KAT2B: variants seen among roughly 807,000 people sequenced by gnomAD.
KAT2B encodes the protein histone acetyltransferase KAT2B.
A neutral mutation model predicts 105.9 loss-of-function variants in KAT2B; 36 were observed. That is an observed-to-expected ratio of 0.34 (90% CI 0.26 to 0.45). The LOEUF (loss-of-function observed/expected upper bound fraction) is 0.45, where lower values mean the gene tolerates loss of function less well. Ranked by LOEUF, KAT2B falls within the 20% of genes least tolerant of loss-of-function variation. KAT2B has a pLI of 1.00. For missense variants in KAT2B, 820 were observed against 1,021.6 expected (o/e 0.80, Z 2.69); for synonymous variants, 397 against 377.9 (o/e 1.05, Z -0.59).
chr3:20,100,431 A>G (rs1698890800), intron 4 of KAT2B, among the ~76,000 whole-genome samples: 1 of 152,220 alleles, frequency 6.6e-6, no homozygotes, highest in South Asian at 2.1e-4. Context: ...TGATTCCTGG[A>G]AAGAAGCCGT....
At chr3:20,144,629 T>C (rs1411321055) in intron 13 of KAT2B, among the ~76,000 whole-genome samples, 2 of 150,894 alleles carry the variant, frequency 1.3e-5, no homozygotes, top group Middle Eastern at 3.4e-3. Context: ...TTTGGACTTA[T>C]AATAAATAAA....
chr3:20,043,211 T>C (rs1213683087), intron 1 of KAT2B, among the ~76,000 whole-genome samples: 1 of 152,122 alleles, frequency 6.6e-6, no homozygotes, highest in African/African-American at 2.4e-5. Context: ...GCTGAAAGTG[T>C]TCATTTTTAT....
intron 2 of KAT2B, among the ~76,000 whole-genome samples, chr3:20,075,749 C>T (rs939059926): frequency 2.6e-5 from 4 of 151,982 alleles, no homozygotes; most frequent in African/African-American, 9.7e-5. Context: ...CACGACCCCC[C>T]AGGCACCTCC....
intron 12 of KAT2B, among the ~76,000 whole-genome samples, chr3:20,139,681 G>A (rs976754135): frequency 6.6e-6 from 1 of 152,028 alleles, no homozygotes; most frequent in Non-Finnish European, 1.5e-5. Flanking sequence ...GTGTGTAAAT[G>A]AGTATATTCC....
chr3:20,082,628 CTCTT>C (rs896250839), intron 2 of KAT2B, among the ~76,000 whole-genome samples: 2 of 152,118 alleles, frequency 1.3e-5, no homozygotes, highest in African/African-American at 4.8e-5. Flanking sequence ...TAAAAACAAA[CTCTT>C]TAAAGAGCTA....
chr3:20,067,071 C>A (rs1698235292), intron 1 of KAT2B, among the ~76,000 whole-genome samples: 1 of 152,122 alleles, frequency 6.6e-6, no homozygotes, highest in African/African-American at 2.4e-5. Context: ...TGTTGTCTCC[C>A]TCTCTTCATT....
At chr3:20,049,355 CAA>C (rs1188209591) in intron 1 of KAT2B, among the ~76,000 whole-genome samples, 2 of 152,050 alleles carry the variant, frequency 1.3e-5, no homozygotes, top group African/African-American at 4.8e-5. Context: ...GTGTGTTTGC[CAA>C]AGTGTTATGT....
intron 11 of KAT2B, among the ~76,000 whole-genome samples, chr3:20,128,041 G>A (rs1383729300): frequency 6.6e-6 from 1 of 152,198 alleles, no homozygotes; most frequent in Admixed American, 6.5e-5. Context: ...CTCACTGTGA[G>A]TGTATGTGTA....
chr3:20,078,305 T>G (rs1488423029), intron 2 of KAT2B, among the ~76,000 whole-genome samples: 1 of 152,236 alleles, frequency 6.6e-6, no homozygotes, highest in Non-Finnish European at 1.5e-5. Context: ...TCCATTGTTC[T>G]GAACTGTTTC....
intron 3 of KAT2B, among the ~76,000 whole-genome samples, chr3:20,096,116 G>T (rs1698805576): frequency 6.6e-6 from 1 of 152,126 alleles, no homozygotes; most frequent in Admixed American, 6.5e-5. Flanking sequence ...AGAGGGTTGG[G>T]TGGGAGGAGA....
intron 1 of KAT2B, among the ~76,000 whole-genome samples, chr3:20,050,412 A>G (rs1157854320): frequency 6.6e-6 from 1 of 152,090 alleles, no homozygotes; most frequent in Non-Finnish European, 1.5e-5. Flanking sequence ...GGACATTTTC[A>G]GCATCTCAGA....
chr3:20,071,102 A>G (rs902329275), intron 1 of KAT2B, among the ~76,000 whole-genome samples: 2 of 152,220 alleles, frequency 1.3e-5, no homozygotes, highest in Non-Finnish European at 2.9e-5. Context: ...CCATATATCC[A>G]AAATAATACA....
At chr3:20,070,336 C>T (rs1341316248) in intron 1 of KAT2B, among the ~76,000 whole-genome samples, 7 of 140,782 alleles carry the variant, frequency 5.0e-5, no homozygotes, top group East Asian at 2.1e-4. Flanking sequence ...GATGGAGTCT[C>T]GCTCTGTACC....
chr3:20,136,058 A>C (rs1359169726), intron 11 of KAT2B, among the ~76,000 whole-genome samples: 2 of 152,188 alleles, frequency 1.3e-5, no homozygotes, highest in African/African-American at 4.8e-5. Context: ...GTTAGATAGA[A>C]TGACTTCCAA....
In KAT2B at chr3:20,040,703, G is replaced by T; in HGVS notation, c.226G>T (p.Ala76Ser). 1 of 1,587,712 alleles carries T rather than the reference G, an allele frequency of 6.3e-7. No homozygotes were observed. ...GGGAGGCGGTGGCTCGGCCCGAATCGCCGTGAAGAAAGCGCAACTACGCTC... is the reference window on the plus strand; with the variant it reads ...GGGAGGCGGTGGCTCGGCCCGAATCTCCGTGAAGAAAGCGCAACTACGCTC... ...GPGGGGSARI[A>S]VKKAQLRSAP... The change falls in exon 1 of 18, where the codon GCC becomes TCC. Residue 76 changes from alanine (A) to serine (S), a missense_variant. Ala to Ser is a moderately conservative substitution (Grantham distance 99). Around this residue, in one of 6 missense-constraint regions of KAT2B, gnomAD observed 190 missense variants for 176.7 expected, o/e 1.08. Coordinates refer to ENST00000263754, the MANE Select transcript of KAT2B (RefSeq NM_003884.5).
In KAT2B at chr3:20,095,262, G is replaced by A; in HGVS notation, c.431-1G>A. The A allele has an allele frequency of 6.2e-7, 1 of 1,610,442 alleles. No homozygotes were observed. The highest frequency in any genetic ancestry group is 8.5e-7 in the Non-Finnish European group (1 of 1,178,060). On this transcript the variant is annotated splice_acceptor_variant, in intron 2 of 17. Transcript: ENST00000263754. LOFTEE classifies it high-confidence loss of function. ...ATATGTTTCTTTGATCTTATCATAA[G>A]CTGCTCATGTTTCCCACCTGGAGAA...
chr3:20,115,554 G>C lies in KAT2B; in HGVS notation c.1150+566G>C, dbSNP rs1157480722. Among the ~76,000 whole-genome samples the C allele has an allele frequency of 2.0e-5, 3 of 152,086 alleles. No individual in the cohort carries two copies. In the East Asian group the frequency reaches 5.8e-4, roughly 29 times the overall value. ...TGCTCTAGGTCAATGTGTATTATGG[G>C]GGCTTGTGAGTATTGCCTCTAATGC... On this transcript the variant is annotated intron_variant, in intron 7 of 17. Transcript: ENST00000263754.
chr3:20,091,502 G>A (rs1022219092), intron 2 of KAT2B, among the ~76,000 whole-genome samples: 1 of 151,706 alleles, frequency 6.6e-6, no homozygotes, highest in Admixed American at 6.6e-5. Flanking sequence ...TTTCTGCTCT[G>A]ATCTTTTTTG....
At chr3:20,148,571 T>A in intron 17 of KAT2B, 84 bp downstream of exon 17, 1 of 977,128 alleles carries the variant, frequency 1.0e-6, no homozygotes, top group Non-Finnish European at 1.6e-6. Context: ...GGTTGATTTG[T>A]ACTCCTCTGC....
Sources: allele counts gnomAD v4.1 joint callset (sites outside exome capture counted in the v4.1 genomes callset), GRCh38; gene constraint gnomAD v4.1.1; regional missense constraint gnomAD v4.1.1; transcripts MANE v1.5; gene names NCBI Gene and HGNC (gene_info 2026-07-23, HGNC 2026-07-21).